The following DYM variants were observed in gnomAD, a reference collection of about 807,000 sequenced individuals.
The protein encoded by DYM is dymeclin, also known as dyggve-Melchior-Clausen syndrome protein.
A neutral mutation model predicts 93.1 loss-of-function variants in DYM; 78 were observed. The observed-to-expected ratio is 0.84, with a 90% confidence interval of 0.70 to 1.01. The LOEUF is 1.01. DYM is among the 50% of genes least tolerant of loss of function. The probability of loss-of-function intolerance (pLI) is 0.00; values close to 1 mark genes in which losing one functional copy is unlikely to be tolerated. For synonymous variants in DYM, 321 were observed against 319.7 expected (o/e 1.00, Z -0.04); for missense variants, 789 against 845.0 (o/e 0.93, Z 0.82).
intron 15 of DYM, among the ~76,000 whole-genome samples, chr18:49,127,750 T>C (rs968517399): frequency 3.9e-5 from 6 of 152,222 alleles, no homozygotes; most frequent in Non-Finnish European, 8.8e-5. Context: ...GGCCATGTTA[T>C]TTCTAGCCAG....
chr18:49,430,284 G>A lies in DYM; in HGVS notation c.111C>T (p.Leu37=). ...TAGTTGGTGCAGGGAAAGAAAATGA[G>A]AGAAGCTGATTCCAGAACGGGTCAT... ...SENDPFWNQL[L]SFSFPAPTSS... is the part of the protein sequence containing the mutation. Residue 37 remains leucine, a synonymous_variant, in exon 2 of 18, where the codon CTC becomes CTT. Coordinates refer to ENST00000675505, the MANE Select transcript of DYM (RefSeq NM_001353214.3). The A allele has an allele frequency of 3.1e-6, 5 of 1,613,982 alleles. No homozygotes were observed. Among genetic ancestry groups the A allele is most frequent in the Non-Finnish European group, 4.2e-6 (5 of 1,179,992 alleles).
In DYM at chr18:49,315,294, T is replaced by C. The variant is rs562388761; in HGVS notation, c.763+16570A>G. ...CATGTTAGGTTCCATAAATTTAAAT[T>C]CCCATGCACAAAAAATTGTATGGTA... On this transcript the variant is annotated intron_variant, in intron 8 of 17. Transcript: ENST00000675505. Among the ~76,000 whole-genome samples the C allele has an allele frequency of 1.5e-4, 23 of 152,186 alleles. 1 individual carries two copies. In the South Asian group the frequency reaches 4.6e-3, roughly 30 times the overall value.
chr18:49,110,535 G>T (rs1024730165), intron 16 of DYM, among the ~76,000 whole-genome samples: 1 of 151,536 alleles, frequency 6.6e-6, no homozygotes, highest in African/African-American at 2.4e-5. Flanking sequence ...TTCATTATCT[G>T]ACTTGCCTAG....
intron 15 of DYM, among the ~76,000 whole-genome samples, chr18:49,145,900 T>C (rs1347624984): frequency 6.8e-6 from 1 of 147,538 alleles, no homozygotes; most frequent in African/African-American, 2.6e-5. Context: ...AGTTTTTACC[T>C]TTTTTTTTGG....
At chr18:49,229,070 C>T (rs2093623019) in intron 13 of DYM, among the ~76,000 whole-genome samples, 1 of 436 alleles carries the variant, frequency 2.3e-3, no homozygotes, top group African/African-American at 0.012. Context: ...AAAAGTTAAA[C>T]ACGAAAACAA....
chr18:49,232,333 G>A (rs2093720819), intron 13 of DYM, among the ~76,000 whole-genome samples: 1 of 150,602 alleles, frequency 6.6e-6, no homozygotes, highest in Non-Finnish European at 1.5e-5. Flanking sequence ...TTGAGAAGGG[G>A]TCTCACTCTG....
At chr18:49,138,762 T>C (rs1161081008) in intron 15 of DYM, among the ~76,000 whole-genome samples, 7 of 152,154 alleles carry the variant, frequency 4.6e-5, no homozygotes, top group Non-Finnish European at 7.4e-5. Context: ...AAAAATGCTA[T>C]GAAAGCAGAG....
chr18:49,347,122 C>T (rs943256910), intron 6 of DYM, among the ~76,000 whole-genome samples: 20 of 152,066 alleles, frequency 1.3e-4, no homozygotes, highest in African/African-American at 4.3e-4. Context: ...GAATGCCTAT[C>T]GCTTTCACAT....
At chr18:49,275,566 A>T (rs1380910691) in intron 10 of DYM, among the ~76,000 whole-genome samples, 1 of 152,144 alleles carries the variant, frequency 6.6e-6, no homozygotes, top group Non-Finnish European at 1.5e-5. Flanking sequence ...GAATACTGCC[A>T]TCTTAACAAT....
intron 14 of DYM, among the ~76,000 whole-genome samples, chr18:49,194,778 A>T (rs1012839228): frequency 3.9e-5 from 6 of 152,208 alleles, no homozygotes; most frequent in African/African-American, 1.4e-4. Flanking sequence ...CAGTTATAGT[A>T]CAAATTTATT....
chr18:49,445,492 G>C (rs1487428300), intron 1 of DYM, among the ~76,000 whole-genome samples: 1 of 152,062 alleles, frequency 6.6e-6, no homozygotes, highest in Non-Finnish European at 1.5e-5. Flanking sequence ...AAAGATAAAA[G>C]TTAAGGGAAC....
intron 13 of DYM, among the ~76,000 whole-genome samples, chr18:49,244,729 C>G (rs910473586): frequency 6.6e-6 from 1 of 152,128 alleles, no homozygotes; most frequent in African/African-American, 2.4e-5. Flanking sequence ...AACCCAAAAA[C>G]AAGGTAGTCT....
At position 49,271,529 on chromosome 18, in the gene DYM, C is replaced by T. The variant is rs11662810; in HGVS notation, c.1251+649G>A. Among the ~76,000 whole-genome samples, 577 of 152,194 alleles carry T rather than the reference C, an allele frequency of 3.8e-3. 2 individuals are homozygous for T. Among genetic ancestry groups the T allele is most frequent in the Non-Finnish European group, 6.4e-3 (433 of 68,006 alleles). Reference sequence around the variant, plus strand: ...AAGAAATCACAATATAAGTATGTTACTTCGAAACATGGACAGAACTGAAAG... The same window carrying T: ...AAGAAATCACAATATAAGTATGTTATTTCGAAACATGGACAGAACTGAAAG... On this transcript the variant is annotated intron_variant, in intron 11 of 17. Coordinates refer to ENST00000675505, the MANE Select transcript of DYM (RefSeq NM_001353214.3).
At chr18:49,092,769 AAGG>A (rs1010788877) in intron 17 of DYM, among the ~76,000 whole-genome samples, 101 of 152,304 alleles carry the variant, frequency 6.6e-4, no homozygotes, top group African/African-American at 2.3e-3. Context: ...CTGGGGACAG[AAGG>A]AGAAGGGTGG....
chr18:49,460,032 T>C (rs771082324), intron 1 of DYM, among the ~76,000 whole-genome samples: 10 of 152,168 alleles, frequency 6.6e-5, no homozygotes, highest in Non-Finnish European at 1.2e-4. Flanking sequence ...TTTTCTGATA[T>C]GTTAGTTATA....
intron 14 of DYM, among the ~76,000 whole-genome samples, chr18:49,193,202 T>TA (rs1003836436): frequency 6.6e-6 from 1 of 150,626 alleles, no homozygotes; most frequent in Admixed American, 6.6e-5. Context: ...AAAATAAAAT[T>TA]AAAAAAAATT....
At chr18:49,320,897 A>G (rs887719780) in intron 8 of DYM, among the ~76,000 whole-genome samples, 1 of 152,226 alleles carries the variant, frequency 6.6e-6, no homozygotes, top group Admixed American at 6.5e-5. Flanking sequence ...TACACAAGCT[A>G]TAGTTTGAGG....
chr18:49,225,834 ATAAC>A (rs1231491950), intron 13 of DYM, among the ~76,000 whole-genome samples: 2 of 152,164 alleles, frequency 1.3e-5, no homozygotes, highest in African/African-American at 4.8e-5. Flanking sequence ...AGAAACATAA[ATAAC>A]AGCCAAATAT....
intron 15 of DYM, among the ~76,000 whole-genome samples, chr18:49,149,238 T>C (rs970307005): frequency 4.6e-5 from 7 of 152,130 alleles, no homozygotes; most frequent in African/African-American, 1.7e-4. Flanking sequence ...CCAACACAGA[T>C]GAAGCTTTGC....
Sources: allele counts gnomAD v4.1 joint callset (sites outside exome capture counted in the v4.1 genomes callset), GRCh38; gene constraint gnomAD v4.1.1; transcripts MANE v1.5; gene names NCBI Gene and HGNC (gene_info 2026-07-23, HGNC 2026-07-21).